CPNE3: variants seen among roughly 807,000 people sequenced by gnomAD.
The protein encoded by CPNE3 is copine-3.
Under a neutral mutation model 63.9 loss-of-function variants are expected in CPNE3, and 68 were observed. That is an observed-to-expected ratio of 1.06 (90% CI 0.87 to 1.30). The LOEUF (loss-of-function observed/expected upper bound fraction) is 1.30, where lower values mean the gene tolerates loss of function less well. CPNE3 is among the 50% of genes most tolerant of loss of function. CPNE3 has a pLI of 0.00. For missense variants in CPNE3, 665 were observed against 578.1 expected (o/e 1.15, Z -1.54); for synonymous variants, 219 against 197.5 (o/e 1.11, Z -0.91).
At chr8:86,551,934 G>A (rs1003640035) in intron 14 of CPNE3, among the ~76,000 whole-genome samples, 1 of 152,192 alleles carries the variant, frequency 6.6e-6, no homozygotes, top group African/African-American at 2.4e-5. Flanking sequence ...CCAAAGTACT[G>A]GGATTAGAGG....
At chr8:86,537,720 A>G (rs1372577085) in intron 7 of CPNE3, 74 bp downstream of exon 7, 1 of 880,756 alleles carries the variant, frequency 1.1e-6, no homozygotes, top group African/African-American at 1.7e-5. Flanking sequence ...TAAAAAGCTT[A>G]TATTTATAAA....
At chr8:86,530,154 G>A (rs1820639529) in intron 4 of CPNE3, among the ~76,000 whole-genome samples, 2 of 145,066 alleles carry the variant, frequency 1.4e-5, no homozygotes, top group Admixed American at 1.4e-4. Context: ...TTGTGTCTCA[G>A]TAGAAAAATT....
Position 86,529,088 on chromosome 8 carries a change from T to A in CPNE3, c.276T>A (p.Asp92Glu), listed in dbSNP as rs759397786. ...ACAAAACTATTGAGCTGAGTGATGA[T>A]GACTTCTTAGGGGAATGTGAATGTA... Reference protein sequence around the residue: ...IDNKTIELSDDDFLGECECTL... With the variant: ...IDNKTIELSDEDFLGECECTL... Residue 92 changes from aspartate (D) to glutamate (E), a missense_variant, in exon 4 of 17, where the codon GAT becomes GAA. Coordinates refer to ENST00000517490, the MANE Select transcript of CPNE3 (RefSeq NM_003909.5). The A allele has an allele frequency of 1.9e-6, 3 of 1,613,930 alleles. No homozygotes were observed. The highest frequency in any genetic ancestry group is 2.5e-6 in the Non-Finnish European group (3 of 1,179,970).
chr8:86,555,242 A>G (rs1010420470), intron 15 of CPNE3, among the ~76,000 whole-genome samples: 1 of 152,162 alleles, frequency 6.6e-6, no homozygotes, highest in South Asian at 2.1e-4. Context: ...ACCAAAAAAA[A>G]AAAAATGCCT....
intron 6 of CPNE3, among the ~76,000 whole-genome samples, chr8:86,536,266 G>T (rs1415835964): frequency 6.8e-6 from 1 of 146,792 alleles, no homozygotes; most frequent in African/African-American, 2.5e-5. Context: ...TTGTATTTAT[G>T]TTCCCCACCC....
chr8:86,521,351 G>C (rs573927848), intron 2 of CPNE3, among the ~76,000 whole-genome samples: 48 of 152,072 alleles, frequency 3.2e-4, no homozygotes, highest in Admixed American at 8.5e-4. Flanking sequence ...TTGTTATTCT[G>C]GTTACGTTTG....
intron 2 of CPNE3, among the ~76,000 whole-genome samples, chr8:86,515,897 A>C (rs1820292438): frequency 1.3e-5 from 2 of 152,224 alleles, no homozygotes; most frequent in African/African-American, 4.8e-5. Flanking sequence ...AGCCTAGAAC[A>C]TAGGTAGAGG....
chr8:86,514,730 G>GGAGGCTCCCGAGCTAGGTCGCGGC (rs1050798206), intron 1 of CPNE3, 189 bp downstream of exon 1: 3 of 152,214 alleles, frequency 2.0e-5, no homozygotes, highest in African/African-American at 7.2e-5. Flanking sequence ...CAGGTCGCGG[G>GGAGGCTCCCGAGCTAGGTCGCGGC]GAGGCTCCCG....
At chr8:86,519,951 A>G (rs1233414667) in intron 2 of CPNE3, among the ~76,000 whole-genome samples, 5 of 152,086 alleles carry the variant, frequency 3.3e-5, no homozygotes, top group African/African-American at 1.2e-4. Flanking sequence ...ACCTCAGACC[A>G]TCCGCCCGCC....
chr8:86,554,725 T>C (rs773046749), intron 14 of CPNE3, 126 bp from the exon 15 acceptor site: 57 of 1,130,644 alleles, frequency 5.0e-5, no homozygotes, highest in Non-Finnish European at 6.3e-5. Flanking sequence ...AACTACTGCT[T>C]ATAGAACTTT....
chr8:86,515,930 G>A (rs961304955), intron 2 of CPNE3, among the ~76,000 whole-genome samples: 4 of 152,150 alleles, frequency 2.6e-5, no homozygotes, highest in Non-Finnish European at 4.4e-5. Flanking sequence ...GATGGGAAAC[G>A]AAAAGGGAAC....
At chr8:86,540,678 C>T (rs1043195819) in intron 8 of CPNE3, among the ~76,000 whole-genome samples, 2 of 152,082 alleles carry the variant, frequency 1.3e-5, no homozygotes, top group African/African-American at 4.8e-5. Flanking sequence ...CATTATTTGC[C>T]TTTGGTATGT....
rs1014424907 is a variant in CPNE3, at chr8:86,561,161, T to G, written c.*2751T>G. 1 of 152,204 alleles carries G rather than the reference T, an allele frequency of 6.6e-6. No homozygotes were observed. The highest frequency in any genetic ancestry group is 2.4e-5 in the African/African-American group (1 of 41,452). The allele number at this position is 152,204 out of a possible 1,614,324, so 9.4% of individuals were successfully genotyped here. On this transcript the variant is annotated 3_prime_UTR_variant, in exon 17 of 17. Coordinates refer to ENST00000517490, the MANE Select transcript of CPNE3 (RefSeq NM_003909.5). Reference sequence around the variant, plus strand: ...TTATGCCATATTTGGACATACTTTTTTTTTCTTCAATTTTGTAAACTTCCT... The same window carrying G: ...TTATGCCATATTTGGACATACTTTTGTTTTCTTCAATTTTGTAAACTTCCT...
intron 2 of CPNE3, among the ~76,000 whole-genome samples, chr8:86,516,466 A>G (rs1256561750): frequency 6.6e-6 from 1 of 152,220 alleles, no homozygotes; most frequent in Non-Finnish European, 1.5e-5. Context: ...TGATGGTATC[A>G]CTGCTGCCCT....
At chr8:86,527,119 G>T (rs1820559039) in intron 2 of CPNE3, among the ~76,000 whole-genome samples, 1 of 152,130 alleles carries the variant, frequency 6.6e-6, no homozygotes, top group Non-Finnish European at 1.5e-5. Context: ...ATTTGTTTCT[G>T]TGGTCCTAGA....
At chr8:86,515,308 A>T (rs558232256) in intron 1 of CPNE3, 154 bp from the exon 2 acceptor site, 2 of 152,332 alleles carry the variant, frequency 1.3e-5, no homozygotes, top group African/African-American at 4.8e-5. Flanking sequence ...GGCCACCTCT[A>T]TAATGGATAA....
At position 86,528,597 on chromosome 8, in the gene CPNE3, C is replaced by A. The variant is rs758284766; in HGVS notation, c.52C>A (p.Leu18Ile). 6.2e-6 allele frequency: 10 copies of A among 1,613,956 alleles called. No homozygotes were observed. In the East Asian group the frequency reaches 1.8e-4, roughly 29 times the overall value. ...GGCGCTGAATGTTTCCTGTGCCAAT[C>A]TTTTGGATAAAGATATAGGGTCAAA... is the stretch of plus-strand genomic sequence containing the variant. ...KVALNVSCANLLDKDIGSKSD... is the reference protein window; with the variant it reads ...KVALNVSCANILDKDIGSKSD... The change falls in exon 3 of 17, where the codon CTT becomes ATT. Residue 18 changes from leucine to isoleucine, a missense_variant. Coordinates refer to ENST00000517490, the MANE Select transcript of CPNE3 (RefSeq NM_003909.5).
At chr8:86,520,430 C>T (rs773819147) in intron 2 of CPNE3, among the ~76,000 whole-genome samples, 1 of 146,694 alleles carries the variant, frequency 6.8e-6, no homozygotes, top group Non-Finnish European at 1.6e-5. Flanking sequence ...ATGGCAGCGC[C>T]TGTAATCCCA....
chr8:86,539,383 CT>C (rs1820877968), intron 7 of CPNE3, among the ~76,000 whole-genome samples: 2 of 152,210 alleles, frequency 1.3e-5, no homozygotes, highest in African/African-American at 4.8e-5. Flanking sequence ...TATTTAGACA[CT>C]GACATCTGAG....
Sources: gnomAD v4.1 joint callset for allele counts (sites outside exome capture counted in the v4.1 genomes callset) on GRCh38, gnomAD v4.1.1 for gene constraint, MANE v1.5 for transcripts, NCBI Gene and HGNC (gene_info 2026-07-23, HGNC 2026-07-21) for gene names.